EPB41L4A: variants seen among roughly 807,000 people sequenced by gnomAD.
EPB41L4A encodes erythrocyte membrane protein band 4.1 like 4A, also known as band 4.1-like protein 4A.
Under a neutral mutation model 108.6 loss-of-function variants are expected in EPB41L4A, and 100 were observed. The observed-to-expected ratio is 0.92, with a 90% CI of 0.78 to 1.09. The LOEUF (loss-of-function observed/expected upper bound fraction) is 1.09. EPB41L4A is among the 50% of genes least tolerant of loss of function. EPB41L4A has a pLI of 0.00. For missense variants in EPB41L4A, 1,030 were observed against 842.7 expected, an observed-to-expected ratio of 1.22 and a Z score of -2.75; for synonymous variants, 319 against 289.0, an observed-to-expected ratio of 1.10 and a Z score of -1.05.
intron 1 of EPB41L4A, among the ~76,000 whole-genome samples, chr5:112,315,504 C>T (rs1313727550): frequency 6.6e-6 from 1 of 152,060 alleles, no homozygotes; most frequent in Non-Finnish European, 1.5e-5. Context: ...TTTTTCTTGA[C>T]CAATCAGACT....
intron 12 of EPB41L4A, among the ~76,000 whole-genome samples, chr5:112,151,126 T>C (rs1020706643): frequency 1.3e-5 from 2 of 152,158 alleles, no homozygotes; most frequent in African/African-American, 4.8e-5. Context: ...CTAAAGTATA[T>C]ACTTCATTAA....
chr5:112,169,122 GA>G lies in EPB41L4A; in HGVS notation c.1740-18del, dbSNP rs762990750. On this transcript the variant is annotated intron_variant, in intron 20 of 22. Transcript: ENST00000261486. ...CCTTGTGTCCTGAACAAGCAACCAA[GA>G]AACATGAAAACAAACACCCAAAGTC... 2 of 1,574,008 alleles carry G rather than the reference GA, an allele frequency of 1.3e-6. No homozygotes were observed. The highest frequency in any genetic ancestry group is 1.1e-5 in the South Asian group (1 of 90,296).
chr5:112,352,651 T>A (rs987765), intron 1 of EPB41L4A, among the ~76,000 whole-genome samples: 122,959 of 151,802 alleles, frequency 0.81, 49,920 homozygotes, highest in South Asian at 0.93. Flanking sequence ...TCCGTTTTGT[T>A]TATCTTTCAT....
intron 1 of EPB41L4A, among the ~76,000 whole-genome samples, chr5:112,392,030 A>AT (rs1274031675): frequency 1.3e-5 from 2 of 152,158 alleles, no homozygotes; most frequent in Admixed American, 1.3e-4. Flanking sequence ...ATGCTGAGAG[A>AT]TTTTGTCAGC....
intron 17 of EPB41L4A, among the ~76,000 whole-genome samples, chr5:112,193,284 T>TTTTC (rs753177499): frequency 4.5e-4 from 69 of 152,298 alleles, no homozygotes; most frequent in Middle Eastern, 3.4e-3. Context: ...ACTTCCTCAC[T>TTTTC]TTTCTTTCTT....
At chr5:112,311,551 A>G (rs1755050957) in intron 1 of EPB41L4A, among the ~76,000 whole-genome samples, 1 of 151,986 alleles carries the variant, frequency 6.6e-6, no homozygotes, top group Admixed American at 6.6e-5. Flanking sequence ...CATCACTACA[A>G]CCTTTCGTAG....
chr5:112,292,435 T>G (rs1753707939), intron 2 of EPB41L4A, among the ~76,000 whole-genome samples: 1 of 152,186 alleles, frequency 6.6e-6, no homozygotes, highest in Admixed American at 6.5e-5. Context: ...GGCCCACTTC[T>G]GTTAATTCAT....
chr5:112,308,775 A>T (rs944885818), intron 1 of EPB41L4A, among the ~76,000 whole-genome samples: 1 of 152,236 alleles, frequency 6.6e-6, no homozygotes, highest in African/African-American at 2.4e-5. Flanking sequence ...ATGTATACTC[A>T]TAATTACAGT....
At chr5:112,234,919 T>C (rs1221421183) in intron 11 of EPB41L4A, among the ~76,000 whole-genome samples, 164 bp from the exon 12 acceptor site, 1 of 152,228 alleles carries the variant, frequency 6.6e-6, no homozygotes, top group Admixed American at 6.5e-5. Context: ...GGAGTGGTTA[T>C]TAAATTCTAG....
intron 9 of EPB41L4A, among the ~76,000 whole-genome samples, chr5:112,251,033 A>G (rs1314802805): frequency 6.6e-6 from 1 of 152,206 alleles, no homozygotes; most frequent in Non-Finnish European, 1.5e-5. Context: ...ATTTGATCAC[A>G]TGTCTAACAG....
At chr5:112,329,904 A>G (rs1346865735) in intron 1 of EPB41L4A, among the ~76,000 whole-genome samples, 5 of 152,126 alleles carry the variant, frequency 3.3e-5, no homozygotes, top group Non-Finnish European at 7.3e-5. Flanking sequence ...TCTACCAAGC[A>G]TCCTTACAGG....
chr5:112,359,808 G>A (rs1758603397), intron 1 of EPB41L4A, among the ~76,000 whole-genome samples: 1 of 152,124 alleles, frequency 6.6e-6, no homozygotes, highest in Non-Finnish European at 1.5e-5. Context: ...CCAAAGTGCT[G>A]GGATTACAGG....
chr5:112,209,633 G>A lies in EPB41L4A; in HGVS notation c.1178+259C>T, dbSNP rs578132056. Reference sequence around the variant, plus strand: ...TCACAAGAAATTTTTAATTTTCTGCGGAGAATGCAGACCACAGACAATCTG... The same window carrying A: ...TCACAAGAAATTTTTAATTTTCTGCAGAGAATGCAGACCACAGACAATCTG... On this transcript the variant is annotated intron_variant, in intron 13 of 22. Coordinates refer to ENST00000261486, the MANE Select transcript of EPB41L4A (RefSeq NM_022140.5). 1.8e-4 allele frequency among the ~76,000 whole-genome samples: 27 copies of A among 152,246 alleles called. No individual in the cohort carries two copies. In the South Asian group the frequency reaches 5.2e-3, roughly 29 times the overall value.
At chr5:112,289,305 C>A (rs906272912) in intron 2 of EPB41L4A, among the ~76,000 whole-genome samples, 26 of 152,080 alleles carry the variant, frequency 1.7e-4, no homozygotes, top group Non-Finnish European at 4.4e-5. Context: ...ATAATATTTG[C>A]ATTTTAATCT....
At chr5:112,365,572 C>T (rs1759069884) in intron 1 of EPB41L4A, among the ~76,000 whole-genome samples, 2 of 152,178 alleles carry the variant, frequency 1.3e-5, no homozygotes, top group African/African-American at 4.8e-5. Context: ...ACCCAGCCTC[C>T]TCTATTAATG....
At chr5:112,266,810 C>T (rs553423306) in intron 4 of EPB41L4A, among the ~76,000 whole-genome samples, 1 of 152,352 alleles carries the variant, frequency 6.6e-6, no homozygotes, top group Admixed American at 6.5e-5. Context: ...ATTATCTGCT[C>T]ATTCCATGTT....
chr5:112,327,882 A>G lies in EPB41L4A; in HGVS notation c.100-20392T>C, dbSNP rs575637341. On this transcript the variant is annotated intron_variant, in intron 1 of 22. Coordinates refer to ENST00000261486, the MANE Select transcript of EPB41L4A (RefSeq NM_022140.5). ...TGGTTGTCCAGTCAAACCATTCTTC[A>G]TGTTCACTGCAGTTCTACCATACAT... Among the ~76,000 whole-genome samples the G allele has an allele frequency of 2.2e-4, 34 of 152,286 alleles. No homozygotes were observed. In the South Asian group the frequency reaches 6.6e-3, roughly 30 times the overall value.
At chr5:112,223,879 A>ATTT (rs1554080489) in intron 12 of EPB41L4A, among the ~76,000 whole-genome samples, 1 of 151,738 alleles carries the variant, frequency 6.6e-6, no homozygotes. Flanking sequence ...CTAAAAGAAT[A>ATTT]ATTTTTAAAC....
chr5:112,319,177 T>C (rs1180786614), intron 1 of EPB41L4A, among the ~76,000 whole-genome samples: 1 of 152,110 alleles, frequency 6.6e-6, no homozygotes, highest in Non-Finnish European at 1.5e-5. Context: ...GTTCAAATAA[T>C]GATGGAGGCA....
Sources: allele counts gnomAD v4.1 joint callset (sites outside exome capture counted in the v4.1 genomes callset), GRCh38; gene constraint gnomAD v4.1.1; transcripts MANE v1.5; gene names NCBI Gene and HGNC (gene_info 2026-07-23, HGNC 2026-07-21).